The following ERCC4 variants were observed in gnomAD, a reference collection of about 807,000 sequenced individuals.
ERCC4 encodes the protein DNA repair endonuclease XPF.
A neutral mutation model predicts 76.9 loss-of-function variants in ERCC4; 65 were observed. The ratio of observed to expected loss-of-function variants is 0.84; its 90% CI spans 0.69 to 1.04. The LOEUF (loss-of-function observed/expected upper bound fraction) is 1.04. Ranked by LOEUF, ERCC4 falls within the 50% of genes least tolerant of loss-of-function variation. ERCC4 has a pLI of 0.00. For missense variants in ERCC4, 1,214 were observed against 1,128.2 expected (o/e 1.08, Z -1.09); for synonymous variants, 463 against 410.1 (o/e 1.13, Z -1.56).
At position 13,920,335 on chromosome 16, in the gene ERCC4, G is replaced by T. The variant is rs1382795419; in HGVS notation, c.170G>T (p.Cys57Phe). 6.3e-7 allele frequency: 1 copy of T among 1,597,378 alleles called. No individual in the cohort carries two copies. The highest frequency in any genetic ancestry group is 8.5e-7 in the Non-Finnish European group (1 of 1,178,262). Reference sequence around the variant, plus strand: ...CTCCAGCTGCACTGCCACCCAGCCTGCCTGGTGCTGGTGCTCAACACGCAG... The same window carrying T: ...CTCCAGCTGCACTGCCACCCAGCCTTCCTGGTGCTGGTGCTCAACACGCAG... ...HFLQLHCHPA[C>F]LVLVLNTQPA... Residue 57 changes from cysteine to phenylalanine, a missense_variant, in exon 1 of 11, where the codon TGC becomes TTC. Transcript: ENST00000311895.
In ERCC4 at chr16:13,937,832, AAAGG is replaced by A. The variant is rs772899497; in HGVS notation, c.1882_1885del (p.Glu628LeufsTer6). ...GCTATCTCACTGCTTTGCGGAAAGA[AAAGG>A]AAGCTTTTGAAAAACTCATAAGGTA... On this transcript the variant is annotated frameshift_variant, in exon 9 of 11. Coordinates refer to ENST00000311895, the MANE Select transcript of ERCC4 (RefSeq NM_005236.3). LOFTEE classifies it high-confidence loss of function. The A allele has an allele frequency of 2.0e-5, 33 of 1,613,170 alleles. No homozygotes were observed. In the South Asian group the frequency reaches 3.4e-4, roughly 17 times the overall value.
At chr16:13,929,260 C>T (rs2141947154) in intron 4 of ERCC4, among the ~76,000 whole-genome samples, 1 of 152,080 alleles carries the variant, frequency 6.6e-6, no homozygotes, top group East Asian at 1.9e-4. Flanking sequence ...ATAGATATCC[C>T]ATGTGTCTTG....
intron 3 of ERCC4, 142 bp from the exon 4 acceptor site, chr16:13,927,883 ATGT>A (rs763745937): frequency 3.0e-6 from 2 of 664,406 alleles, no homozygotes; most frequent in African/African-American, 1.8e-5. Context: ...GTTTTTGAAA[ATGT>A]TGTTGCTTTG....
At chr16:13,932,515 C>T (rs2032193071) in intron 6 of ERCC4, 1 of 579,236 alleles carries the variant, frequency 1.7e-6, no homozygotes, top group Non-Finnish European at 3.0e-6. Flanking sequence ...CAGTCTATTG[C>T]CCAGGGCTTC....
chr16:13,947,484 T>C, intron 10 of ERCC4, 130 bp from the exon 11 acceptor site: 1 of 991,958 alleles, frequency 1.0e-6, no homozygotes, highest in Non-Finnish European at 1.5e-6. Context: ...AGAAATTATA[T>C]GGAATATTAC....
chr16:13,922,857 C>A (rs2032004806), intron 2 of ERCC4, among the ~76,000 whole-genome samples: 1 of 152,184 alleles, frequency 6.6e-6, no homozygotes, highest in Non-Finnish European at 1.5e-5. Flanking sequence ...ATATCTGTGA[C>A]CTGAATAAGT....
In ERCC4 at chr16:13,922,144, A is replaced by G. The variant is rs549297996; in HGVS notation, c.321A>G (p.Ile107Met). ...AAGTTTACACACAAGGTGGTGTTAT[A>G]TTTGCGACAAGTAGGATACTTGTGG... Reference protein sequence around the residue: ...RYEVYTQGGVIFATSRILVVD... With the variant: ...RYEVYTQGGVMFATSRILVVD... The change falls in exon 2 of 11, where the codon ATA becomes ATG. Residue 107 changes from isoleucine to methionine, a missense_variant. Transcript: ENST00000311895. 20 of 1,613,418 alleles carry G rather than the reference A, an allele frequency of 1.2e-5. No individual in the cohort carries two copies. The highest frequency in any genetic ancestry group is 5.0e-5 in the Admixed American group (3 of 59,992).
chr16:13,922,444 A>G, intron 2 of ERCC4: 1 of 759,012 alleles, frequency 1.3e-6, no homozygotes, highest in South Asian at 1.3e-5. Flanking sequence ...TTTGTTGTGA[A>G]TTGCACAACT....
At chr16:13,944,878 G>T (rs1014349227) in intron 10 of ERCC4, 43 bp downstream of exon 10, 1 of 1,269,740 alleles carries the variant, frequency 7.9e-7, no homozygotes. Flanking sequence ...GCCTGCAAAG[G>T]GGGCTGTGAA....
rs944205361 is a variant in ERCC4, at chr16:13,930,736, G to A, written c.819G>A (p.Leu273=). ...DKTIRHYLDP[L]WHQLGAKTKS... is the part of the protein sequence containing the mutation. ...CAATCCGCCATTATCTGGATCCTTT[G>A]TGGCACCAGCTTGGAGCCAAGACTA... Residue 273 remains leucine, a synonymous_variant, in exon 5 of 11, where the codon TTG becomes TTA. Transcript: ENST00000311895. 1.2e-6 allele frequency: 2 copies of A among 1,613,646 alleles called. No individual in the cohort carries two copies. Among genetic ancestry groups the A allele is most frequent in the Non-Finnish European group, 1.7e-6 (2 of 1,179,756 alleles).
chr16:13,923,162 T>C (rs1893436097), intron 2 of ERCC4, among the ~76,000 whole-genome samples: 1 of 152,202 alleles, frequency 6.6e-6, no homozygotes, highest in Non-Finnish European at 1.5e-5. Context: ...CCAAAGCTAA[T>C]GTAGGGGCTG....
At position 13,948,864 on chromosome 16, in the gene ERCC4, T is replaced by C. The variant is rs545416742; in HGVS notation, c.*517T>C. 20 of 232,602 alleles carry C rather than the reference T, an allele frequency of 8.6e-5. No individual in the cohort carries two copies. The allele number at this position is 232,602 out of a possible 1,614,324, so 14.4% of individuals were successfully genotyped here. On this transcript the variant is annotated 3_prime_UTR_variant, in exon 11 of 11. Coordinates refer to ENST00000311895, the MANE Select transcript of ERCC4 (RefSeq NM_005236.3). ...TGTTGTGTCTGCTGGACGCTTGAAC[T>C]GATGTTTGTGTAGGAAATCATGTTC...
At chr16:13,940,140 CT>C (rs2032384693) in intron 9 of ERCC4, among the ~76,000 whole-genome samples, 2 of 152,230 alleles carry the variant, frequency 1.3e-5, no homozygotes, top group South Asian at 4.1e-4. Context: ...AATCCCAGCA[CT>C]TTTGGGAGGC....
In ERCC4 at chr16:13,937,909, G is replaced by C. The variant is rs550482588; in HGVS notation, c.1904+51G>C. The C allele has an allele frequency of 3.2e-5, 36 of 1,119,282 alleles. No homozygotes were observed. The East Asian group carries it at 7.8e-4, about 24-fold the overall frequency. The allele number at this position is 1,119,282 out of a possible 1,614,324, so 69.3% of individuals were successfully genotyped here. On this transcript the variant is annotated intron_variant, in intron 9 of 10. Transcript: ENST00000311895. ...AGCCCCAACTACATTGGAAACCTCTGGATGGGGGAATATCAGATAGTCCTG... is the reference window on the plus strand; with the variant it reads ...AGCCCCAACTACATTGGAAACCTCTCGATGGGGGAATATCAGATAGTCCTG...
In ERCC4 at chr16:13,920,379, C is replaced by A. The variant is rs2031947189; in HGVS notation, c.207+7C>A. 1 of 1,561,446 alleles carries A rather than the reference C, an allele frequency of 6.4e-7. No individual in the cohort carries two copies. Among genetic ancestry groups the A allele is most frequent in the Non-Finnish European group, 8.6e-7 (1 of 1,160,670 alleles). ...CACGCAGCCGGCCGAGGAGGTGCGG[C>A]CGCGCTGGCGCGGGAGTGAGGGGAC... On this transcript the variant is annotated splice_region_variant and intron_variant, in intron 1 of 10. Transcript: ENST00000311895.
chr16:13,924,277 T>C (rs537041626), intron 2 of ERCC4, among the ~76,000 whole-genome samples: 1 of 152,292 alleles, frequency 6.6e-6, no homozygotes, highest in South Asian at 2.1e-4. Context: ...GAATCCCTGC[T>C]AACCAGAACT....
At chr16:13,945,673 C>T (rs1251841387) in intron 10 of ERCC4, among the ~76,000 whole-genome samples, 4 of 152,176 alleles carry the variant, frequency 2.6e-5, no homozygotes, top group South Asian at 2.1e-4. Flanking sequence ...AGCTCGGGGG[C>T]TTCTGATGGA....
At chr16:13,935,089 G>A (rs1373128680) in intron 7 of ERCC4, 57 bp from the exon 8 acceptor site, 5 of 1,326,464 alleles carry the variant, frequency 3.8e-6, no homozygotes, top group Middle Eastern at 1.8e-4. Flanking sequence ...AGGGGGCACA[G>A]GGAAACTAGG....
At chr16:13,938,812 T>C (rs1596629936) in intron 9 of ERCC4, among the ~76,000 whole-genome samples, 1 of 152,060 alleles carries the variant, frequency 6.6e-6, no homozygotes. Context: ...TGGCTGCGGG[T>C]TCTCAGTGTA....
Sources: allele counts gnomAD v4.1 joint callset (sites outside exome capture counted in the v4.1 genomes callset), GRCh38; gene constraint gnomAD v4.1.1; transcripts MANE v1.5; gene names NCBI Gene and HGNC (gene_info 2026-07-23, HGNC 2026-07-21).